CENPP: variants seen among roughly 807,000 people sequenced by gnomAD.
CENPP encodes the protein centromere protein P.
CENPP carries 24 observed loss-of-function variants against 35.6 expected under a neutral mutation model. The ratio of observed to expected loss-of-function variants is 0.67; its 90% CI spans 0.49 to 0.95. The LOEUF is 0.95. Among genes scored for constraint, CENPP ranks in the 40% least tolerant of loss-of-function variants. The probability of loss-of-function intolerance (pLI) is 0.00; values close to 1 mark genes in which losing one functional copy is unlikely to be tolerated. For missense variants in CENPP, 332 were observed against 345.3 expected (o/e 0.96, Z 0.31); for synonymous variants, 120 against 125.5 (o/e 0.96, Z 0.29).
At chr9:92,326,890 C>A (rs1255744186) in intron 1 of CENPP, among the ~76,000 whole-genome samples, 1 of 152,152 alleles carries the variant, frequency 6.6e-6, no homozygotes, top group Non-Finnish European at 1.5e-5. Context: ...TGGGATTTTT[C>A]CTGAGCTAAC....
chr9:92,528,547 ACAAAG>A (rs3078374), intron 5 of CENPP, among the ~76,000 whole-genome samples: 57,225 of 151,620 alleles, frequency 0.38, 13,454 homozygotes, highest in African/African-American at 0.66. Context: ...AAAGGGGAAA[ACAAAG>A]CAAAACAAAA....
Position 92,407,674 on chromosome 9 carries a change from A to G in CENPP, c.564+27815A>G, listed in dbSNP as rs180999209. On this transcript the variant is annotated intron_variant, in intron 5 of 7. Transcript: ENST00000375587. ...CAAGCTGGAGTGCAGTGGCACGATC[A>G]TGACTCTCTGCAGCCTCAACTTTGT... Among the ~76,000 whole-genome samples the G allele has an allele frequency of 3.2e-4, 49 of 152,172 alleles. No homozygotes were observed. In the East Asian group the frequency reaches 8.5e-3, roughly 26 times the overall value.
intron 5 of CENPP, among the ~76,000 whole-genome samples, chr9:92,409,385 A>C (rs1336341604): frequency 6.6e-6 from 1 of 152,242 alleles, no homozygotes. Flanking sequence ...CTTAAAACAG[A>C]AAAATTATGT....
chr9:92,543,060 C>G (rs1199286427), intron 5 of CENPP, among the ~76,000 whole-genome samples: 1 of 152,200 alleles, frequency 6.6e-6, no homozygotes, highest in Non-Finnish European at 1.5e-5. Context: ...GCTCTCTATT[C>G]TGTTCCATTG....
intron 5 of CENPP, among the ~76,000 whole-genome samples, chr9:92,507,783 C>T (rs547941614): frequency 6.6e-6 from 1 of 151,980 alleles, no homozygotes; most frequent in South Asian, 2.1e-4. Flanking sequence ...CCTTTCACAC[C>T]TCTCTCTCAA....
Position 92,616,150 on chromosome 9 carries a change from GTTT to G in CENPP, c.*3004_*3006del. The G allele has an allele frequency of 1.2e-6, 1 of 834,244 alleles. No individual in the cohort carries two copies. The highest frequency in any genetic ancestry group is 1.9e-6 in the Non-Finnish European group (1 of 532,536). The allele number at this position is 834,244 out of a possible 1,614,324, so 51.7% of individuals were successfully genotyped here. A position where few individuals can be genotyped will look rare whatever the true frequency, so the allele number is the denominator to read the frequency against. ...CTCCCTTTCTTCTTTCAACTAGTAT[GTTT>G]TTATGTTTTTTCTTTGACTTCTGCA... On this transcript the variant is annotated 3_prime_UTR_variant, in exon 8 of 8. Transcript: ENST00000375587.
intron 5 of CENPP, among the ~76,000 whole-genome samples, chr9:92,455,781 T>A (rs1490933408): frequency 1.3e-5 from 2 of 152,210 alleles, no homozygotes; most frequent in East Asian, 3.8e-4. Context: ...TTATTAAGAA[T>A]TTACATTAGG....
At chr9:92,402,419 A>G (rs550215178) in intron 5 of CENPP, among the ~76,000 whole-genome samples, 3 of 152,328 alleles carry the variant, frequency 2.0e-5, no homozygotes, top group African/African-American at 7.2e-5. Context: ...CTTCTGAAAC[A>G]ATCAGTATTG....
chr9:92,377,722 T>C (rs1842156073), intron 4 of CENPP, among the ~76,000 whole-genome samples: 1 of 152,184 alleles, frequency 6.6e-6, no homozygotes, highest in Non-Finnish European at 1.5e-5. Flanking sequence ...TATTGTTGAA[T>C]TTCTAATTCA....
intron 5 of CENPP, chr9:92,502,693 A>T: frequency 6.9e-7 from 1 of 1,449,448 alleles, no homozygotes; most frequent in Non-Finnish European, 9.4e-7. Context: ...CTTTTGTGTT[A>T]GTTGATACGT....
At chr9:92,415,987 T>C (rs1397143248) in intron 5 of CENPP, among the ~76,000 whole-genome samples, 1 of 145,828 alleles carries the variant, frequency 6.9e-6, no homozygotes, top group East Asian at 2.0e-4. Flanking sequence ...TATATATGTA[T>C]AAATTATCAG....
intron 5 of CENPP, among the ~76,000 whole-genome samples, chr9:92,540,256 A>T (rs756032681): frequency 2.0e-5 from 3 of 151,778 alleles, no homozygotes; most frequent in Non-Finnish European, 4.4e-5. Context: ...GGCTAACATG[A>T]TGAAACCCTG....
intron 4 of CENPP, among the ~76,000 whole-genome samples, chr9:92,372,671 C>G (rs1367590842): frequency 6.6e-6 from 1 of 152,110 alleles, no homozygotes; most frequent in Non-Finnish European, 1.5e-5. Flanking sequence ...GACTTTATTT[C>G]TCTTTCATTT....
chr9:92,598,156 G>T (rs1850825141), intron 5 of CENPP, among the ~76,000 whole-genome samples: 1 of 152,192 alleles, frequency 6.6e-6, no homozygotes, highest in Admixed American at 6.5e-5. Flanking sequence ...TTTTCAAACT[G>T]GTTTGAGGTG....
rs1389642377 is a variant in CENPP, at chr9:92,616,067, A to G, written c.*2918A>G. ...AGGCCTTTGATCAGAGCTGCAAGTA[A>G]AAAGTACCATTTCAGGATACACAAG... On this transcript the variant is annotated 3_prime_UTR_variant, in exon 8 of 8. Coordinates refer to ENST00000375587, the MANE Select transcript of CENPP (RefSeq NM_001012267.3). 1.2e-5 allele frequency: 20 copies of G among 1,602,692 alleles called. No individual in the cohort carries two copies. Among genetic ancestry groups the G allele is most frequent in the Non-Finnish European group, 1.7e-5 (20 of 1,171,002 alleles).
intron 5 of CENPP, chr9:92,509,886 A>T: frequency 6.3e-7 from 1 of 1,595,220 alleles, no homozygotes; most frequent in Non-Finnish European, 8.5e-7. Flanking sequence ...ATTGAAAAAC[A>T]AATATTAAAT....
At chr9:92,489,505 T>C (rs1846130768) in intron 5 of CENPP, among the ~76,000 whole-genome samples, 1 of 152,246 alleles carries the variant, frequency 6.6e-6, no homozygotes, top group African/African-American at 2.4e-5. Flanking sequence ...GATACTTCTC[T>C]AGTTTGGCTG....
At chr9:92,436,298 A>G (rs1429970321) in intron 5 of CENPP, among the ~76,000 whole-genome samples, 1 of 152,236 alleles carries the variant, frequency 6.6e-6, no homozygotes, top group Non-Finnish European at 1.5e-5. Flanking sequence ...ATACTAGAAC[A>G]AGGAGTACCT....
At chr9:92,379,369 C>T (rs964297952) in intron 4 of CENPP, among the ~76,000 whole-genome samples, 2 of 152,200 alleles carry the variant, frequency 1.3e-5, no homozygotes, top group Admixed American at 6.5e-5. Context: ...TGAGACAACT[C>T]ATTAGCATAA....
Sources: gnomAD v4.1 joint callset for allele counts (sites outside exome capture counted in the v4.1 genomes callset) on GRCh38, gnomAD v4.1.1 for gene constraint, MANE v1.5 for transcripts, NCBI Gene and HGNC (gene_info 2026-07-23, HGNC 2026-07-21) for gene names.